Variants in ABCF1 observed in about 807,000 individuals in gnomAD.
The protein encoded by ABCF1 is ATP-binding cassette sub-family F member 1.
ABCF1 carries 73 observed loss-of-function variants against 126.3 expected under a neutral mutation model. The observed-to-expected ratio is 0.58, with a 90% CI of 0.48 to 0.70. The LOEUF is 0.70. ABCF1 is among the 30% of genes least tolerant of loss of function. The pLI, the probability that ABCF1 is intolerant of heterozygous loss-of-function variation, is 0.00. For missense variants in ABCF1, 786 were observed against 1,057.5 expected, an observed-to-expected ratio of 0.74 and a Z score of 3.56; for synonymous variants, 345 against 396.4, an observed-to-expected ratio of 0.87 and a Z score of 1.54.
intron 20 of ABCF1, among the ~76,000 whole-genome samples, chr6:30,588,913 G>A (rs992458661): frequency 2.4e-4 from 37 of 152,040 alleles, no homozygotes; most frequent in African/African-American, 8.0e-4. Context: ...CCTCCTGCTT[G>A]TCCCTCTTGT....
chr6:30,587,864 GCTTAA>G (rs1263691988), intron 20 of ABCF1, among the ~76,000 whole-genome samples: 1 of 74,102 alleles, frequency 1.3e-5, no homozygotes, highest in East Asian at 3.6e-4. Flanking sequence ...AAAAAAAAAT[GCTTAA>G]GTCAAGAGAA....
At position 30,584,405 on chromosome 6, in the gene ABCF1, T is replaced by C; in HGVS notation, c.1243-13T>C. 6.2e-7 allele frequency: 1 copy of C among 1,613,008 alleles called. No individual in the cohort carries two copies. The highest frequency in any genetic ancestry group is 8.5e-7 in the Non-Finnish European group (1 of 1,180,006). ...GGACCCTCAGACGTGTGTCCTCTTCTCCCTCCTCCCAGGTGTATGAGGAAT... is the reference window on the plus strand; with the variant it reads ...GGACCCTCAGACGTGTGTCCTCTTCCCCCTCCTCCCAGGTGTATGAGGAAT... On this transcript the variant is annotated splice_polypyrimidine_tract_variant and intron_variant, in intron 13 of 24. Transcript: ENST00000326195. This position sits in a 1 kb window ranked among gnomAD's most constrained non-coding sequence, Gnocchi z 4.6.
intron 9 of ABCF1, 34 bp downstream of exon 9, chr6:30,582,541 G>A: frequency 6.2e-7 from 1 of 1,608,400 alleles, no homozygotes. Flanking sequence ...CAAAAGTAGG[G>A]GATTTTTAAA....
rs1802029659 is a variant in ABCF1, at chr6:30,584,909, T to G, written c.1391+343T>G. Reference sequence around the variant, plus strand: ...ACAAAAGGGGGAAGAAAACATATCCTAGCCTGGGCAACATAGGGAGACCCT... The same window carrying G: ...ACAAAAGGGGGAAGAAAACATATCCGAGCCTGGGCAACATAGGGAGACCCT... On this transcript the variant is annotated intron_variant, in intron 14 of 24. Coordinates refer to ENST00000326195, the MANE Select transcript of ABCF1 (RefSeq NM_001025091.2). This position sits in a 1 kb window ranked among gnomAD's most constrained non-coding sequence, Gnocchi z 4.6. Among the ~76,000 whole-genome samples the G allele has an allele frequency of 6.6e-6, 1 of 152,034 alleles. No individual in the cohort carries two copies. Among genetic ancestry groups the G allele is most frequent in the African/African-American group, 2.4e-5 (1 of 41,412 alleles).
rs1802170102 is a variant in ABCF1 at position 30,586,924 on chromosome 6, C to T, written c.2031+213C>T. On this transcript the variant is annotated intron_variant, in intron 20 of 24. Coordinates refer to ENST00000326195, the MANE Select transcript of ABCF1 (RefSeq NM_001025091.2). The surrounding 1 kb of genome is among the most constrained non-coding windows in gnomAD (Gnocchi z 4.9). ...AGAGAATTAAGATAGAACTAGGGGG[C>T]ACACCCACGTGTTTTGGTTATACAA... Among the ~76,000 whole-genome samples the T allele has an allele frequency of 6.6e-6, 1 of 152,070 alleles. No homozygotes were observed.
At chr6:30,571,599 A>AAG (rs1273965616) in intron 1 of ABCF1, 39 bp downstream of exon 1, 8 of 1,589,974 alleles carry the variant, frequency 5.0e-6, no homozygotes, top group African/African-American at 2.7e-5. Flanking sequence ...GCAGAGGGGG[A>AAG]AGAGAGAGGA....
intron 20 of ABCF1, among the ~76,000 whole-genome samples, chr6:30,587,082 C>T (rs372044767): frequency 1.6e-3 from 243 of 152,260 alleles, no homozygotes; most frequent in African/African-American, 4.9e-3. Flanking sequence ...TAGTGAACCC[C>T]GCCTCTACTA....
intron 14 of ABCF1, 73 bp from the exon 15 acceptor site, chr6:30,585,187 C>T (rs1802044673): frequency 2.1e-5 from 28 of 1,350,818 alleles, no homozygotes; most frequent in South Asian, 4.7e-5. Flanking sequence ...GCTCTATCTC[C>T]GAGTTTTCTC....
chr6:30,581,999 C>G (rs1331979492), intron 8 of ABCF1, among the ~76,000 whole-genome samples: 1 of 151,302 alleles, frequency 6.6e-6, no homozygotes, highest in African/African-American at 2.4e-5. Flanking sequence ...AGAGCTGGGG[C>G]AGGGACAGGG....
chr6:30,577,162 A>G (rs1396828651), intron 1 of ABCF1, among the ~76,000 whole-genome samples: 6 of 152,212 alleles, frequency 3.9e-5, no homozygotes, highest in Non-Finnish European at 7.3e-5. Context: ...GTTCATTGCT[A>G]TGATCCCCTA....
rs1268862996 is a variant in ABCF1, at chr6:30,589,891, T to A, written c.2150T>A (p.Leu717Gln). 1 of 1,614,216 alleles carries A rather than the reference T, an allele frequency of 6.2e-7. No individual in the cohort carries two copies. Among genetic ancestry groups the A allele is most frequent in the Admixed American group, 1.7e-5 (1 of 60,024 alleles). ...PTEYLQRGFN[L>Q]PYQDARKCLG... Reference sequence around the variant, plus strand: ...GAGTACCTGCAGCGGGGCTTCAACCTGCCCTACCAGGATGCCCGCAAGTGC... The same window carrying A: ...GAGTACCTGCAGCGGGGCTTCAACCAGCCCTACCAGGATGCCCGCAAGTGC... The change falls in exon 22 of 25, where the codon CTG (leucine) becomes CAG (glutamine). Residue 717 changes from leucine to glutamine, a missense_variant. Leu to Gln is a moderately radical substitution (Grantham distance 113, BLOSUM62 -2). Transcript: ENST00000326195.
intron 20 of ABCF1, among the ~76,000 whole-genome samples, chr6:30,587,846 CAAAAA>C (rs756565396): frequency 1.3e-5 from 1 of 74,434 alleles, no homozygotes; most frequent in East Asian, 3.8e-4. Context: ...GAGGCTCTGT[CAAAAA>C]AAAAAAAAAA....
chr6:30,589,555 A>G (rs988533532), intron 20 of ABCF1, 133 bp from the exon 21 acceptor site: 24 of 1,009,500 alleles, frequency 2.4e-5, no homozygotes, highest in Non-Finnish European at 3.0e-5. Context: ...GTGAGCCGAG[A>G]TCGCGCCACT....
intron 1 of ABCF1, among the ~76,000 whole-genome samples, chr6:30,576,030 T>C (rs1273710624): frequency 6.8e-6 from 1 of 146,684 alleles, no homozygotes; most frequent in Non-Finnish European, 1.5e-5. Context: ...GTTATGATCA[T>C]GCCACTGCAT....
chr6:30,578,136 G>A lies in ABCF1; in HGVS notation c.277G>A (p.Glu93Lys), dbSNP rs761079000. The change falls in exon 4 of 25, where the codon GAA becomes AAA. Residue 93 changes from glutamate (E) to lysine (K), a missense_variant. By Grantham distance (56) the Glu-to-Lys change is moderately conservative. This residue lies in a region of ABCF1 where 322 missense variants were observed against 322.9 expected (regional missense o/e 1.00). Transcript: ENST00000326195. The part of the protein sequence containing the change: ...RRKKDVDDDG[E>K]EKELMERLKK... ...GAAGAAGGATGTGGATGATGATGGA[G>A]AAGAGAAAGAGCTCATGGAGCGTCT... 1.9e-6 allele frequency: 3 copies of A among 1,614,132 alleles called. No individual in the cohort carries two copies. The Admixed American group carries it at 5.0e-5, about 27-fold the overall frequency.
chr6:30,583,434 T>A lies in ABCF1; in HGVS notation c.916-174T>A, dbSNP rs1340825671. On this transcript the variant is annotated intron_variant, in intron 10 of 24. Coordinates refer to ENST00000326195, the MANE Select transcript of ABCF1 (RefSeq NM_001025091.2). This position sits in a 1 kb window ranked among gnomAD's most constrained non-coding sequence, Gnocchi z 4.1. The stretch of plus-strand genomic sequence containing the variant: ...TAGCTGAGGATGCATGGGGCTCCCA[T>A]TACAGGCAGCGAACAGGGCGGGGAC... Among the ~76,000 whole-genome samples the A allele has an allele frequency of 1.3e-5, 2 of 152,166 alleles. No homozygotes were observed. Among genetic ancestry groups the A allele is most frequent in the Non-Finnish European group, 2.9e-5 (2 of 68,012 alleles).
intron 8 of ABCF1, among the ~76,000 whole-genome samples, chr6:30,581,513 T>C (rs1801816642): frequency 6.6e-6 from 1 of 151,366 alleles, no homozygotes; most frequent in East Asian, 1.9e-4. Context: ...AAGCAATTCT[T>C]CTGCCTCAGT....
intron 9 of ABCF1, among the ~76,000 whole-genome samples, 155 bp from the exon 10 acceptor site, chr6:30,582,911 T>C (rs1262050215): frequency 6.6e-6 from 1 of 152,148 alleles, no homozygotes; most frequent in Non-Finnish European, 1.5e-5. Context: ...CAGGCTGGTC[T>C]CAAACTCCTG....
Position 30,580,484 on chromosome 6 carries a change from A to G in ABCF1, c.643A>G (p.Lys215Glu), listed in dbSNP as rs188349840. 1.3e-6 allele frequency: 2 copies of G among 1,528,336 alleles called. No individual in the cohort carries two copies. The highest frequency in any genetic ancestry group is 2.9e-5 in the African/African-American group (2 of 68,836). The allele number at this position is 1,528,336 out of a possible 1,614,324, so 94.7% of individuals were successfully genotyped here. Residue 215 changes from lysine to glutamate, a missense_variant, in exon 8 of 25, where the codon AAA becomes GAA. Physicochemically the swap from Lys to Glu is moderately conservative, Grantham distance 56. This residue lies in a region of ABCF1 where 322 missense variants were observed against 322.9 expected (regional missense o/e 1.00). Transcript: ENST00000326195. ...EEIIKEKEPPKQGKEKAKKAE... is the reference protein window; with the variant it reads ...EEIIKEKEPPEQGKEKAKKAE... The stretch of plus-strand genomic sequence containing the variant: ...AATTATAAAGGAAAAGGAGCCTCCC[A>G]AACAAGGGAAGGAGAAGGCCAAGAA...
Sources: gnomAD v4.1 joint callset for allele counts (sites outside exome capture counted in the v4.1 genomes callset) on GRCh38, gnomAD v4.1.1 for gene constraint, gnomAD v4.1.1 regional missense constraint, Gnocchi (gnomAD v3.1) non-coding constraint, MANE v1.5 for transcripts, NCBI Gene and HGNC (gene_info 2026-07-23, HGNC 2026-07-21) for gene names.